SLC35F4: variants seen among roughly 807,000 people sequenced by gnomAD.
SLC35F4 encodes the protein solute carrier family 35 member F4, also known as chromosome 14 open reading frame 36.
In SLC35F4, 24 loss-of-function variants were observed where a neutral mutation model predicts 44.2. The observed-to-expected ratio is 0.54, with a 90% confidence interval of 0.39 to 0.76. The LOEUF (loss-of-function observed/expected upper bound fraction) is 0.76. Among genes scored for constraint, SLC35F4 ranks in the 30% least tolerant of loss-of-function variants. The probability of loss-of-function intolerance (pLI) is 0.00; values close to 1 mark genes in which losing one functional copy is unlikely to be tolerated. For missense variants in SLC35F4, 562 were observed against 586.1 expected (o/e 0.96, Z 0.42); for synonymous variants, 238 against 223.6 (o/e 1.06, Z -0.57).
chr14:57,650,032 T>C (rs562260706), intron 1 of SLC35F4, among the ~76,000 whole-genome samples: 6 of 152,126 alleles, frequency 3.9e-5, no homozygotes, highest in Non-Finnish European at 8.8e-5. Context: ...CAGGATACCA[T>C]ATCCTCCTGG....
At chr14:57,831,673 A>G (rs1422619422) in intron 1 of SLC35F4, among the ~76,000 whole-genome samples, 1 of 152,210 alleles carries the variant, frequency 6.6e-6, no homozygotes, top group African/African-American at 2.4e-5. Flanking sequence ...ATTTCCCTTT[A>G]TTTCAGTAAT....
chr14:57,681,100 T>C (rs368594920), intron 1 of SLC35F4, among the ~76,000 whole-genome samples: 5 of 152,118 alleles, frequency 3.3e-5, no homozygotes, highest in Admixed American at 1.3e-4. Context: ...CTGGAAGCCA[T>C]CACGCTACTG....
At chr14:57,600,331 T>G (rs1008180280) in intron 1 of SLC35F4, among the ~76,000 whole-genome samples, 3 of 152,190 alleles carry the variant, frequency 2.0e-5, no homozygotes, top group African/African-American at 7.2e-5. Flanking sequence ...ACCCTGGATT[T>G]TTCACTTGAT....
chr14:57,609,986 C>T (rs1170162816), intron 1 of SLC35F4, among the ~76,000 whole-genome samples: 1 of 152,174 alleles, frequency 6.6e-6, no homozygotes, highest in African/African-American at 2.4e-5. Context: ...AGAAGTTATC[C>T]AGTATCAGAG....
intron 1 of SLC35F4, among the ~76,000 whole-genome samples, chr14:57,769,945 C>T (rs747746727): frequency 6.6e-6 from 1 of 152,198 alleles, no homozygotes; most frequent in Non-Finnish European, 1.5e-5. Flanking sequence ...TTTACATATG[C>T]TTTGCATTAA....
chr14:57,709,870 T>C (rs2075774443), intron 1 of SLC35F4, among the ~76,000 whole-genome samples: 1 of 152,192 alleles, frequency 6.6e-6, no homozygotes, highest in Non-Finnish European at 1.5e-5. Context: ...GAATGGGAAC[T>C]TATGTTTTAA....
At chr14:57,975,729 A>G (rs544584189), downstream of SLC35F4, among the ~76,000 whole-genome samples, 3 of 152,344 alleles carry the variant, frequency 2.0e-5, no homozygotes, top group East Asian at 1.9e-4. Flanking sequence ...GAGGAGCCCT[A>G]AAATATTTGA....
intron 1 of SLC35F4, among the ~76,000 whole-genome samples, chr14:57,843,407 G>A (rs1885685596): frequency 6.6e-6 from 1 of 152,062 alleles, no homozygotes; most frequent in African/African-American, 2.4e-5. Flanking sequence ...GACCTTGATG[G>A]CAATTCTGTT....
chr14:57,843,559 G>A (rs758410056), intron 1 of SLC35F4, among the ~76,000 whole-genome samples: 1 of 152,070 alleles, frequency 6.6e-6, no homozygotes, highest in Non-Finnish European at 1.5e-5. Context: ...TGGGTATTGT[G>A]AGGAACAAAA....
chr14:57,867,289 T>A (rs1225305365), upstream of SLC35F4, among the ~76,000 whole-genome samples: 1 of 151,970 alleles, frequency 6.6e-6, no homozygotes, highest in Non-Finnish European at 1.5e-5. Context: ...AATATGCAAA[T>A]TTTTTTTCTA....
At chr14:57,748,397 C>T (rs1594952144) in intron 1 of SLC35F4, among the ~76,000 whole-genome samples, 1 of 152,150 alleles carries the variant, frequency 6.6e-6, no homozygotes, top group Non-Finnish European at 1.5e-5. Context: ...ATACAGGGAT[C>T]CCTCACACTA....
intron 1 of SLC35F4, among the ~76,000 whole-genome samples, chr14:57,744,470 T>C (rs114068825): frequency 0.019 from 2,921 of 151,632 alleles, 99 homozygotes; most frequent in African/African-American, 0.066. Flanking sequence ...TGAACCCCCA[T>C]TCACAATAAC....
At chr14:57,575,156 T>A (rs1194314453) in intron 4 of SLC35F4, among the ~76,000 whole-genome samples, 1 of 152,096 alleles carries the variant, frequency 6.6e-6, no homozygotes, top group Non-Finnish European at 1.5e-5. Context: ...AGTTCCAGCC[T>A]CTTAACCAAC....
At chr14:57,880,909 A>G (rs549489350) in intron 1 of SLC35F4, among the ~76,000 whole-genome samples, 2 of 152,356 alleles carry the variant, frequency 1.3e-5, no homozygotes, top group South Asian at 4.1e-4. Flanking sequence ...GGATTCGTTC[A>G]TAAAGGGAGA....
chr14:57,954,278 TG>T (rs1214214011), intron 1 of SLC35F4, among the ~76,000 whole-genome samples: 5 of 151,966 alleles, frequency 3.3e-5, no homozygotes, highest in Admixed American at 3.3e-4. Flanking sequence ...GCCAAAGCAG[TG>T]TTTAAGGGAA....
At chr14:57,905,544 T>C (rs1662481721) in intron 1 of SLC35F4, among the ~76,000 whole-genome samples, 1 of 152,190 alleles carries the variant, frequency 6.6e-6, no homozygotes, top group African/African-American at 2.4e-5. Context: ...CCTGTAACAG[T>C]GTTTGAGTTG....
At chr14:57,653,078 A>T (rs1333885648) in intron 1 of SLC35F4, among the ~76,000 whole-genome samples, 1 of 152,224 alleles carries the variant, frequency 6.6e-6, no homozygotes, top group Non-Finnish European at 1.5e-5. Context: ...AATGTATTAA[A>T]AAACCTCAGG....
intron 1 of SLC35F4, among the ~76,000 whole-genome samples, chr14:57,684,997 C>G (rs542917725): frequency 6.6e-6 from 1 of 152,220 alleles, no homozygotes; most frequent in South Asian, 2.1e-4. Flanking sequence ...AAGTGTATAT[C>G]AGAATACTGG....
At chr14:57,696,997 T>C (rs190861238) in intron 1 of SLC35F4, among the ~76,000 whole-genome samples, 14 of 152,278 alleles carry the variant, frequency 9.2e-5, no homozygotes, top group African/African-American at 3.1e-4. Flanking sequence ...GATGACGGGT[T>C]GATAGGTGCA....
Sources: allele counts gnomAD v4.1 joint callset (sites outside exome capture counted in the v4.1 genomes callset), GRCh38; gene constraint gnomAD v4.1.1; transcripts MANE v1.5; gene names NCBI Gene and HGNC (gene_info 2026-07-23, HGNC 2026-07-21).